Variants in OGDH observed in about 807,000 individuals in gnomAD.
OGDH encodes 2-oxoglutarate dehydrogenase complex component E1.
A neutral mutation model predicts 116.6 loss-of-function variants in OGDH; 38 were observed. The ratio of observed to expected loss-of-function variants is 0.33; its 90% CI spans 0.25 to 0.43. The LOEUF is 0.43. Ranked by LOEUF, OGDH falls within the 20% of genes least tolerant of loss-of-function variation. The probability of loss-of-function intolerance (pLI) is 1.00; values close to 1 mark genes in which losing one functional copy is unlikely to be tolerated. For missense variants in OGDH, 825 were observed against 1,357.2 expected (o/e 0.61, Z 6.16); for synonymous variants, 488 against 533.3 (o/e 0.92, Z 1.17).
chr7:44,645,893 C>T (rs911919601), intron 3 of OGDH, among the ~76,000 whole-genome samples: 1 of 152,110 alleles, frequency 6.6e-6, no homozygotes, highest in Non-Finnish European at 1.5e-5. Context: ...GTGGTTGATG[C>T]CCCCTTCTCA....
chr7:44,659,079 C>T (rs996152938), intron 4 of OGDH, among the ~76,000 whole-genome samples: 3 of 152,160 alleles, frequency 2.0e-5, no homozygotes, highest in Non-Finnish European at 4.4e-5. Flanking sequence ...CTCAGGTGAT[C>T]TGCCCACCTC....
At chr7:44,698,041 T>G (rs191977869) in intron 17 of OGDH, 151 bp from the exon 18 acceptor site, 3 of 928,540 alleles carry the variant, frequency 3.2e-6, no homozygotes, top group Non-Finnish European at 5.0e-6. Context: ...ATGAGCCAAG[T>G]GCTTTGCTGG....
At chr7:44,647,019 T>C (rs1384892800) in intron 3 of OGDH, among the ~76,000 whole-genome samples, 7 of 152,182 alleles carry the variant, frequency 4.6e-5, no homozygotes, top group Non-Finnish European at 1.0e-4. Flanking sequence ...ACTCCTAGGC[T>C]CAAGAGATCC....
intron 7 of OGDH, among the ~76,000 whole-genome samples, 197 bp from the exon 8 acceptor site, chr7:44,674,981 C>T (rs1433703983): frequency 6.6e-6 from 1 of 152,078 alleles, no homozygotes; most frequent in Non-Finnish European, 1.5e-5. Context: ...CTTTCTGCTG[C>T]CCACTGTGGC....
chr7:44,706,447 G>C (rs1043134918), intron 20 of OGDH, among the ~76,000 whole-genome samples: 1 of 149,964 alleles, frequency 6.7e-6, no homozygotes, highest in African/African-American at 2.5e-5. Flanking sequence ...TCGGCCCCCC[G>C]AGTAGCTGAG....
At chr7:44,671,760 T>C (rs1472205773) in intron 5 of OGDH, among the ~76,000 whole-genome samples, 2 of 111,638 alleles carry the variant, frequency 1.8e-5, no homozygotes, top group Non-Finnish European at 1.8e-5. Flanking sequence ...AAAGCGAGAC[T>C]GCGTCTCAAA....
chr7:44,673,663 G>A, intron 5 of OGDH, 124 bp from the exon 6 acceptor site: 3 of 914,282 alleles, frequency 3.3e-6, no homozygotes, highest in Non-Finnish European at 5.2e-6. Flanking sequence ...ACACTTGATT[G>A]GAGTACATTT....
intron 4 of OGDH, among the ~76,000 whole-genome samples, chr7:44,648,913 T>A (rs1258852120): frequency 1.3e-5 from 2 of 152,154 alleles, no homozygotes; most frequent in Non-Finnish European, 2.9e-5. Context: ...GTGACAACTT[T>A]GTGCTCCCAA....
In OGDH at chr7:44,707,395, G is replaced by C; in HGVS notation, c.2796+7G>C. ...CATCACAAGGATTGAGCAGGTGAGG[G>C]CAGGTGGTGCCATCAGGGTGTCCCC... On this transcript the variant is annotated splice_region_variant and intron_variant, in intron 21 of 22. Coordinates refer to ENST00000222673, the MANE Select transcript of OGDH (RefSeq NM_002541.4). The surrounding 1 kb of genome is among the most constrained non-coding windows in gnomAD (Gnocchi z 5.2). 1 of 1,614,094 alleles carries C rather than the reference G, an allele frequency of 6.2e-7. No individual in the cohort carries two copies.
chr7:44,615,862 T>TA (rs1266036935), intron 1 of OGDH, among the ~76,000 whole-genome samples: 4 of 151,948 alleles, frequency 2.6e-5, no homozygotes, highest in Non-Finnish European at 5.9e-5. Flanking sequence ...ACTGTCTCTA[T>TA]AAAAAATACA....
intron 10 of OGDH, among the ~76,000 whole-genome samples, chr7:44,684,739 A>C (rs1369241106): frequency 1.3e-5 from 2 of 152,032 alleles, no homozygotes; most frequent in African/African-American, 4.8e-5. Context: ...TCCCTGTACC[A>C]AGGGAACAGA....
chr7:44,638,430 G>A (rs934286428), intron 2 of OGDH, among the ~76,000 whole-genome samples: 16 of 152,228 alleles, frequency 1.1e-4, no homozygotes, highest in African/African-American at 3.9e-4. Flanking sequence ...GGTCTTCAGT[G>A]TGTTTGATGG....
chr7:44,701,171 G>T (rs912996974), intron 19 of OGDH, among the ~76,000 whole-genome samples: 1 of 152,242 alleles, frequency 6.6e-6, no homozygotes, highest in Non-Finnish European at 1.5e-5. Flanking sequence ...GACAGCCCTG[G>T]TGCTTCTTGG....
At chr7:44,693,318 A>G (rs1335509682) in intron 10 of OGDH, among the ~76,000 whole-genome samples, 1 of 152,080 alleles carries the variant, frequency 6.6e-6, no homozygotes, top group Admixed American at 6.6e-5. Context: ...AAAAAAAAAA[A>G]AAATTCTTAG....
intron 4 of OGDH, 36 bp downstream of exon 4, chr7:44,647,795 GCTC>G: frequency 6.6e-7 from 1 of 1,524,520 alleles, no homozygotes; most frequent in Non-Finnish European, 9.1e-7. Flanking sequence ...CGTTGCTTGA[GCTC>G]CTCTCGCTGT....
intron 4 of OGDH, among the ~76,000 whole-genome samples, chr7:44,653,125 AC>A (rs991545529): frequency 2.0e-5 from 3 of 151,620 alleles, no homozygotes; most frequent in Non-Finnish European, 4.4e-5. Context: ...ACAGAGTCTT[AC>A]TCTGTCGCCC....
chr7:44,673,668 A>G, intron 5 of OGDH, 119 bp from the exon 6 acceptor site: 1 of 961,096 alleles, frequency 1.0e-6, no homozygotes, highest in South Asian at 1.5e-5. Flanking sequence ...TGATTGGAGT[A>G]CATTTCAGAA....
chr7:44,622,209 T>TA lies in OGDH; in HGVS notation c.-27-2098dup, dbSNP rs530461730. Among the ~76,000 whole-genome samples the TA allele has an allele frequency of 2.3e-3, 346 of 149,780 alleles. 1 individual carries two copies. Among genetic ancestry groups the TA allele is most frequent in the Middle Eastern group, 3.4e-3 (1 of 292 alleles). ...ACATTTTCCTTTGAGCCTGAGAAAT[T>TA]AAAAAAAAAATAGCATAAAATGAAG... On this transcript the variant is annotated intron_variant, in intron 1 of 22. Coordinates refer to ENST00000222673, the MANE Select transcript of OGDH (RefSeq NM_002541.4).
chr7:44,678,579 T>C (rs554686664), intron 9 of OGDH, among the ~76,000 whole-genome samples: 17 of 152,320 alleles, frequency 1.1e-4, no homozygotes, highest in Admixed American at 1.1e-3. Flanking sequence ...GAGTCCGAAC[T>C]GTCAGTCCCT....
Sources: gnomAD v4.1 joint callset for allele counts (sites outside exome capture counted in the v4.1 genomes callset) on GRCh38, gnomAD v4.1.1 for gene constraint, Gnocchi (gnomAD v3.1) non-coding constraint, MANE v1.5 for transcripts, NCBI Gene and HGNC (gene_info 2026-07-23, HGNC 2026-07-21) for gene names.